Variants in SPATA31A6 observed in about 807,000 individuals in gnomAD.
SPATA31A6 encodes spermatogenesis-associated protein 31A6.
SPATA31A6 carries 9 observed loss-of-function variants against 11.9 expected under a neutral mutation model. That is an observed-to-expected ratio of 0.76 (90% CI 0.46 to 1.32). The LOEUF is 1.32. Ranked by LOEUF, SPATA31A6 falls within the 40% of genes most tolerant of loss-of-function variation. The pLI, the probability that SPATA31A6 is intolerant of heterozygous loss-of-function variation, is 0.00. For synonymous variants in SPATA31A6, 314 were observed against 572.1 expected (o/e 0.55, Z 6.44); for missense variants, 855 against 1,467.3 (o/e 0.58, Z 6.82).
rs1167847879 is a variant in SPATA31A6, at chr9:42,185,473, G to T, written c.248-222G>T. 10 of 768,018 alleles carry T rather than the reference G, an allele frequency of 1.3e-5. 2 individuals carry two copies. Among genetic ancestry groups the T allele is most frequent in the Non-Finnish European group, 2.1e-5 (10 of 479,990 alleles). The allele number at this position is 768,018 out of a possible 1,614,324, so 47.6% of individuals were successfully genotyped here. On this transcript the variant is annotated intron_variant, in intron 2 of 3. Coordinates refer to ENST00000332857, the MANE Select transcript of SPATA31A6 (RefSeq NM_001145196.1). Reference sequence around the variant, plus strand: ...TTTCTCCCCACAGGGCAGTTGTGAGGACTGTGGGGGTGGGGGGTCCGTGTG... The same window carrying T: ...TTTCTCCCCACAGGGCAGTTGTGAGTACTGTGGGGGTGGGGGGTCCGTGTG...
chr9:42,188,577 GA>G lies in SPATA31A6; in HGVS notation c.2878del (p.Thr960ProfsTer155), dbSNP rs1386564960. On this transcript the variant is annotated frameshift_variant, in exon 4 of 4. Transcript: ENST00000332857. LOFTEE classifies it low-confidence loss of function (END_TRUNC). ...EAVPQCRVPL[E>X]TCMLANLQAT... ...AGTGCCACAATGCAGAGTCCCCTTG[GA>G]AACCTGTATGCTGGCAAACCTCCAA... 1 of 1,026,600 alleles carries G rather than the reference GA, an allele frequency of 9.7e-7. No individual in the cohort carries two copies. Among genetic ancestry groups the G allele is most frequent in the African/African-American group, 2.8e-5 (1 of 36,120 alleles). The allele number at this position is 1,026,600 out of a possible 1,614,324, so 63.6% of individuals were successfully genotyped here.
Position 42,183,659 on chromosome 9 carries a change from A to C in SPATA31A6, c.-29A>C. On this transcript the variant is annotated 5_prime_UTR_variant, in exon 1 of 4. Transcript: ENST00000332857. ...GTCTCCACGGGGATGCCCAGAGCTC[A>C]GTTGCTTGAAAGCAACGTGCCTATT... is the stretch of plus-strand genomic sequence containing the variant. The C allele has an allele frequency of 1.3e-6, 2 of 1,524,684 alleles. 1 individual carries two copies. The highest frequency in any genetic ancestry group is 1.8e-6 in the Non-Finnish European group (2 of 1,133,886). The allele number at this position is 1,524,684 out of a possible 1,614,324, so 94.4% of individuals were successfully genotyped here.
chr9:42,187,723 C>A lies in SPATA31A6; in HGVS notation c.2021C>A (p.Thr674Asn), dbSNP rs778919950. ...CATCTGGGGCAAATTCTGGGTGAGA[C>A]CCCACAAAATCTATCCAGGGACATG... ...CPHLGQILGETPQNLSRDMKS... is the reference protein window; with the variant it reads ...CPHLGQILGENPQNLSRDMKS... The change falls in exon 4 of 4, where the codon ACC becomes AAC. Residue 674 changes from threonine (T) to asparagine (N), a missense_variant. By Grantham distance (65) the Thr-to-Asn change is moderately conservative. Coordinates refer to ENST00000332857, the MANE Select transcript of SPATA31A6 (RefSeq NM_001145196.1). 1.3e-6 allele frequency: 2 copies of A among 1,518,626 alleles called. No individual in the cohort carries two copies. The highest frequency in any genetic ancestry group is 1.2e-5 in the South Asian group (1 of 85,598). The allele number at this position is 1,518,626 out of a possible 1,614,324, so 94.1% of individuals were successfully genotyped here. A position where few individuals can be genotyped will look rare whatever the true frequency, so the allele number is the denominator to read the frequency against.
At chr9:42,183,921 T>A in intron 1 of SPATA31A6, 45 bp downstream of exon 1, 1 of 1,525,278 alleles carries the variant, frequency 6.6e-7, no homozygotes, top group Non-Finnish European at 8.8e-7. Context: ...ATTCTCTCCT[T>A]TCTTTTTATT....
Position 42,186,868 on chromosome 9 carries a change from C to G in SPATA31A6, c.1166C>G (p.Ser389Trp), listed in dbSNP as rs748034632. The G allele has an allele frequency of 6.5e-7, 1 of 1,536,240 alleles. No homozygotes were observed. Among genetic ancestry groups the G allele is most frequent in the South Asian group, 1.1e-5 (1 of 87,488 alleles). ...CCCTTCTGGAACATGGGAGAGAACT[C>G]GAAACAGCTGCCCGGACCTCAGAAG... ...PKPFWNMGEN[S>W]KQLPGPQKCS... The change falls in exon 4 of 4, where the codon TCG becomes TGG. Residue 389 changes from serine to tryptophan, a missense_variant. By Grantham distance (177) the Ser-to-Trp change is radical. Transcript: ENST00000332857.
At position 42,188,912 on chromosome 9, in the gene SPATA31A6, C is replaced by A. The variant is rs1829513036; in HGVS notation, c.3210C>A (p.Asp1070Glu). Residue 1070 changes from aspartate (D) to glutamate (E), a missense_variant, in exon 4 of 4, where the codon GAC (aspartate) becomes GAA (glutamate). Coordinates refer to ENST00000332857, the MANE Select transcript of SPATA31A6 (RefSeq NM_001145196.1). ...GNMRASQELH[D>E]LMAARRSKLV... ...TGCGGGCTTCCCAGGAGCTACATGA[C>A]CTCATGGCAGCCAGAAGGAGCAAAC... is the stretch of plus-strand genomic sequence containing the variant. The A allele has an allele frequency of 1.3e-6, 2 of 1,540,254 alleles. No individual in the cohort carries two copies. The highest frequency in any genetic ancestry group is 1.2e-5 in the South Asian group (1 of 86,830).
chr9:42,186,902 T>C lies in SPATA31A6; in HGVS notation c.1200T>C (p.Asp400=), dbSNP rs1165392932. 1.3e-6 allele frequency: 2 copies of C among 1,538,964 alleles called. No individual in the cohort carries two copies. The highest frequency in any genetic ancestry group is 2.3e-5 in the South Asian group (2 of 87,500). ...KQLPGPQKCS[D]PRLLQESFWK... is the part of the protein sequence containing the mutation. Reference sequence around the variant, plus strand: ...TGCCCGGACCTCAGAAGTGCTCAGATCCTAGGCTCTTGCAGGAAAGTTTTT... The same window carrying C: ...TGCCCGGACCTCAGAAGTGCTCAGACCCTAGGCTCTTGCAGGAAAGTTTTT... Residue 400 remains aspartate, a synonymous_variant, in exon 4 of 4, where the codon GAT becomes GAC. Coordinates refer to ENST00000332857, the MANE Select transcript of SPATA31A6 (RefSeq NM_001145196.1).
In SPATA31A6 at chr9:42,187,191, G is replaced by A. The variant is rs770082600; in HGVS notation, c.1489G>A (p.Ala497Thr). Residue 497 changes from alanine (A) to threonine (T), a missense_variant, in exon 4 of 4, where the codon GCC (alanine) becomes ACC (threonine). Physicochemically the swap from Ala to Thr is moderately conservative, Grantham distance 58. Transcript: ENST00000332857. ...PTPMAQAEAQ[A>T]HLQSSFPVLS... ...ACCTATGGCTCAGGCCGAGGCTCAG[G>A]CCCATCTTCAGTCTTCTTTCCCAGT... 12 of 1,543,004 alleles carry A rather than the reference G, an allele frequency of 7.8e-6. 1 individual carries two copies. Among genetic ancestry groups the A allele is most frequent in the Admixed American group, 5.2e-5 (3 of 57,240 alleles).
chr9:42,185,857 G>A, intron 3 of SPATA31A6, 102 bp downstream of exon 3: 1 of 1,296,814 alleles, frequency 7.7e-7, no homozygotes, highest in Non-Finnish European at 1.1e-6. Context: ...AGACCAGGGG[G>A]ACAGAGGATG....
rs1210796531 is a variant in SPATA31A6 at position 42,184,612 on chromosome 9, C to T, written c.190-457C>T. 2.9e-5 allele frequency among the ~76,000 whole-genome samples: 4 copies of T among 135,692 alleles called. 1 individual carries two copies. The highest frequency in any genetic ancestry group is 2.2e-4 in the Admixed American group (3 of 13,592). The allele number at this position is 135,692 out of a possible 152,430, so 89.0% of individuals were successfully genotyped here. A position where few individuals can be genotyped will look rare whatever the true frequency, so the allele number is the denominator to read the frequency against. ...TGGAGTGATATAGGCTCACTGCAAC[C>T]TCTGCTTCCCGAGTTCAAGCGATTC... On this transcript the variant is annotated intron_variant, in intron 1 of 3. Coordinates refer to ENST00000332857, the MANE Select transcript of SPATA31A6 (RefSeq NM_001145196.1).
rs767639384 is a variant in SPATA31A6 at position 42,186,892 on chromosome 9, A to G, written c.1190A>G (p.Lys397Arg). The G allele has an allele frequency of 1.3e-6, 2 of 1,538,296 alleles. No homozygotes were observed. Among genetic ancestry groups the G allele is most frequent in the Non-Finnish European group, 1.8e-6 (2 of 1,142,472 alleles). ...TCGAAACAGCTGCCCGGACCTCAGA[A>G]GTGCTCAGATCCTAGGCTCTTGCAG... ...ENSKQLPGPQ[K>R]CSDPRLLQES... Residue 397 changes from lysine (K) to arginine (R), a missense_variant, in exon 4 of 4, where the codon AAG becomes AGG. Lys to Arg is a conservative substitution (Grantham distance 26). Transcript: ENST00000332857.
chr9:42,184,892 G>T, intron 1 of SPATA31A6, 177 bp from the exon 2 acceptor site: 2 of 777,868 alleles, frequency 2.6e-6, no homozygotes, highest in Non-Finnish European at 3.1e-6. Flanking sequence ...GTGGGAGGAA[G>T]CACACAGAGC....
At position 42,189,311 on chromosome 9, in the gene SPATA31A6, G is replaced by C; in HGVS notation, c.3609G>C (p.Gln1203His). The C allele has an allele frequency of 6.4e-7, 1 of 1,554,748 alleles. No individual in the cohort carries two copies. ...TGTACAGCAGCAGTGCTGAAGCTCA[G>C]GGTCTCATGACGGCAGTTGGACAAA... ...SCVYSSSAEA[Q>H]GLMTAVGQML... is the part of the protein sequence containing the mutation. The change falls in exon 4 of 4, where the codon CAG (glutamine) becomes CAC (histidine). Residue 1203 changes from glutamine (Q) to histidine (H), a missense_variant. Physicochemically the swap from Gln to His is conservative, Grantham distance 24 (BLOSUM62 0). Transcript: ENST00000332857.
intron 1 of SPATA31A6, 92 bp from the exon 2 acceptor site, chr9:42,184,977 G>C: frequency 7.1e-7 from 1 of 1,409,836 alleles, no homozygotes; most frequent in East Asian, 2.5e-5. Context: ...CAGAGAGGGA[G>C]AGCCAGTCCT....
chr9:42,187,649 CAAG>C lies in SPATA31A6; in HGVS notation c.1948_1950del (p.Lys650del), dbSNP rs767431541. On this transcript the variant is annotated inframe_deletion, in exon 4 of 4. Transcript: ENST00000332857. ...CCTCCACGTCCACAGGTGAAAGCAG[CAAG>C]GAGGCACAGAAGGTGAAGTTCCAGC... The C allele has an allele frequency of 6.0e-6, 9 of 1,508,216 alleles. 1 individual carries two copies. Among genetic ancestry groups the C allele is most frequent in the South Asian group, 4.7e-5 (4 of 85,472 alleles). 93.4% of individuals were successfully genotyped at this position (1,508,216 alleles called of 1,614,324 possible).
chr9:42,185,684 C>T lies in SPATA31A6; in HGVS notation c.248-11C>T, dbSNP rs1369288863. ...TCCCTCACTGCCCTAACCCAGTCTCCTGATTTCCAGCTGGTAGAGAGTGCC... is the reference window on the plus strand; with the variant it reads ...TCCCTCACTGCCCTAACCCAGTCTCTTGATTTCCAGCTGGTAGAGAGTGCC... On this transcript the variant is annotated splice_polypyrimidine_tract_variant and intron_variant, in intron 2 of 3. Coordinates refer to ENST00000332857, the MANE Select transcript of SPATA31A6 (RefSeq NM_001145196.1). 1.4e-6 allele frequency: 2 copies of T among 1,469,024 alleles called. No individual in the cohort carries two copies. The highest frequency in any genetic ancestry group is 1.7e-5 in the African/African-American group (1 of 60,302). The allele number at this position is 1,469,024 out of a possible 1,614,324, so 91.0% of individuals were successfully genotyped here.
At chr9:42,184,740 C>T (rs896105142) in intron 1 of SPATA31A6, among the ~76,000 whole-genome samples, 1 of 135,952 alleles carries the variant, frequency 7.4e-6, no homozygotes, top group Admixed American at 7.3e-5. Context: ...CATGGCCAGG[C>T]TGGTCTCAAA....
chr9:42,185,006 G>C, intron 1 of SPATA31A6, 63 bp from the exon 2 acceptor site: 1 of 1,507,862 alleles, frequency 6.6e-7, no homozygotes, highest in Admixed American at 1.8e-5. Flanking sequence ...GCCCTTTCTT[G>C]TCTCCCATTG....
rs543385393 is a variant in SPATA31A6 at position 42,185,062 on chromosome 9, C to T, written c.190-7C>T. 6 of 1,537,948 alleles carry T rather than the reference C, an allele frequency of 3.9e-6. 1 individual carries two copies. The East Asian group carries it at 1.5e-4, about 38-fold the overall frequency. ...ATCTTGTCTCCGTACGTCATCATGT[C>T]TCCCAGTGTCCAGTAGGGCGGAGGC... On this transcript the variant is annotated splice_region_variant and splice_polypyrimidine_tract_variant and intron_variant, in intron 1 of 3. Coordinates refer to ENST00000332857, the MANE Select transcript of SPATA31A6 (RefSeq NM_001145196.1).
Sources: gnomAD v4.1 joint callset for allele counts (sites outside exome capture counted in the v4.1 genomes callset) on GRCh38, gnomAD v4.1.1 for gene constraint, MANE v1.5 for transcripts, NCBI Gene and HGNC (gene_info 2026-07-23, HGNC 2026-07-21) for gene names.